NDUFS4: variants seen among roughly 807,000 people sequenced by gnomAD.
NDUFS4 encodes NADH dehydrogenase [ubiquinone] iron-sulfur protein 4, mitochondrial.
A neutral mutation model predicts 24.3 loss-of-function variants in NDUFS4; 28 were observed. The observed-to-expected ratio is 1.15, with a 90% confidence interval of 0.85 to 1.58. The LOEUF (loss-of-function observed/expected upper bound fraction) is 1.58. Among genes scored for constraint, NDUFS4 ranks in the 40% most tolerant of loss-of-function variants. The pLI is 0.00. For synonymous variants in NDUFS4, 93 were observed against 69.7 expected (o/e 1.34, Z -1.67); for missense variants, 223 against 207.9 (o/e 1.07, Z -0.45).
intron 2 of NDUFS4, among the ~76,000 whole-genome samples, chr5:53,635,429 A>G (rs1751523225): frequency 6.6e-6 from 1 of 152,040 alleles, no homozygotes; most frequent in Non-Finnish European, 1.5e-5. Flanking sequence ...CTGAGGTGGT[A>G]TGATCACCTG....
intron 1 of NDUFS4, among the ~76,000 whole-genome samples, chr5:53,562,287 T>C (rs1748874993): frequency 6.6e-6 from 1 of 152,194 alleles, no homozygotes; most frequent in Non-Finnish European, 1.5e-5. Flanking sequence ...GTGACCAAGA[T>C]TAGCCCTTCC....
chr5:53,561,992 T>G (rs536339581), intron 1 of NDUFS4, among the ~76,000 whole-genome samples: 1 of 151,696 alleles, frequency 6.6e-6, no homozygotes. Context: ...ATGGAAAGTA[T>G]TTTTCCTTTT....
At chr5:53,606,390 G>T (rs1750504131) in intron 2 of NDUFS4, among the ~76,000 whole-genome samples, 1 of 151,874 alleles carries the variant, frequency 6.6e-6, no homozygotes, top group South Asian at 2.1e-4. Context: ...ACAGGGTGGT[G>T]CCATACACTT....
At chr5:53,606,817 C>T (rs537662818) in intron 2 of NDUFS4, among the ~76,000 whole-genome samples, 30 of 152,300 alleles carry the variant, frequency 2.0e-4, no homozygotes, top group Non-Finnish European at 1.9e-4. Context: ...GAGAGTTGGG[C>T]AGGGACAAAT....
Position 53,566,073 on chromosome 5 carries a change from C to T in NDUFS4, c.98+5313C>T, listed in dbSNP as rs183709052. ...CTGTAATCCCAGCTACTCGGGAGGCCGAGGCAGGAGAATCGCTTGAACCTG... is the reference window on the plus strand; with the variant it reads ...CTGTAATCCCAGCTACTCGGGAGGCTGAGGCAGGAGAATCGCTTGAACCTG... On this transcript the variant is annotated intron_variant, in intron 1 of 4. Coordinates refer to ENST00000296684, the MANE Select transcript of NDUFS4 (RefSeq NM_002495.4). 2.0e-4 allele frequency among the ~76,000 whole-genome samples: 31 copies of T among 151,992 alleles called. No homozygotes were observed. In the East Asian group the frequency reaches 5.4e-3, roughly 27 times the overall value.
At chr5:53,639,272 ATAT>A (rs1163389424) in intron 2 of NDUFS4, among the ~76,000 whole-genome samples, 3 of 151,818 alleles carry the variant, frequency 2.0e-5, no homozygotes, top group Admixed American at 6.6e-5. Flanking sequence ...TCATGTAATA[ATAT>A]TCTGTAGATT....
intron 3 of NDUFS4, among the ~76,000 whole-genome samples, chr5:53,650,153 G>A (rs972719053): frequency 6.6e-6 from 1 of 152,072 alleles, no homozygotes; most frequent in African/African-American, 2.4e-5. Flanking sequence ...CAGACTCACC[G>A]TAGTAATACA....
intron 1 of NDUFS4, among the ~76,000 whole-genome samples, chr5:53,581,669 G>A (rs1391037476): frequency 6.6e-6 from 1 of 151,980 alleles, no homozygotes; most frequent in African/African-American, 2.4e-5. Flanking sequence ...CCTTCAGGTG[G>A]CAGTTTAACC....
chr5:53,675,461 CCA>C (rs1176077901), intron 4 of NDUFS4, among the ~76,000 whole-genome samples: 1 of 152,094 alleles, frequency 6.6e-6, no homozygotes, highest in African/African-American at 2.4e-5. Flanking sequence ...CACGCCAGGC[CCA>C]GAGTTCCCTA....
At chr5:53,610,615 C>G (rs1277136017) in intron 2 of NDUFS4, among the ~76,000 whole-genome samples, 1 of 152,100 alleles carries the variant, frequency 6.6e-6, no homozygotes, top group African/African-American at 2.4e-5. Context: ...TGAGGTATGC[C>G]TGTATCTTTT....
chr5:53,603,363 T>G (rs1750390138), intron 1 of NDUFS4, 89 bp from the exon 2 acceptor site: 3 of 814,876 alleles, frequency 3.7e-6, no homozygotes, highest in South Asian at 1.5e-5. Context: ...ATAAGACAGA[T>G]ATTGTTAAAG....
In NDUFS4 at chr5:53,603,477, T is replaced by C. The variant is rs370695630; in HGVS notation, c.124T>C (p.Leu42=). The C allele has an allele frequency of 1.3e-5, 21 of 1,613,988 alleles. No individual in the cohort carries two copies. Among genetic ancestry groups the C allele is most frequent in the Middle Eastern group, 1.6e-4 (1 of 6,062 alleles). ...GTCGTTGAGGACTTCCACATGGAGA[T>C]TGGCACAGGACCAGACTCAAGACAC... ...TRSLRTSTWR[L]AQDQTQDTQL... The change falls in exon 2 of 5, where the codon TTG becomes CTG. Residue 42 remains leucine (L), a synonymous_variant. Transcript: ENST00000296684.
chr5:53,657,166 A>T (rs939478660), intron 3 of NDUFS4, among the ~76,000 whole-genome samples: 1 of 152,230 alleles, frequency 6.6e-6, no homozygotes, highest in South Asian at 2.1e-4. Flanking sequence ...GTCAACACTT[A>T]TCAGATTACT....
chr5:53,597,965 A>G (rs1408576317), intron 1 of NDUFS4, among the ~76,000 whole-genome samples: 3 of 152,244 alleles, frequency 2.0e-5, no homozygotes, highest in Admixed American at 6.5e-5. Context: ...TAACTCACCA[A>G]AGAAGATATA....
At chr5:53,667,879 A>G (rs1308488448) in intron 4 of NDUFS4, among the ~76,000 whole-genome samples, 2 of 152,206 alleles carry the variant, frequency 1.3e-5, no homozygotes, top group Non-Finnish European at 2.9e-5. Context: ...GGTGATGTCC[A>G]AAAACTATAG....
chr5:53,580,767 TTCTTTCTCTCTC>T (rs1561340028), intron 1 of NDUFS4, among the ~76,000 whole-genome samples: 2 of 151,116 alleles, frequency 1.3e-5, no homozygotes, highest in African/African-American at 2.4e-5. Context: ...CTTTCTTTCT[TTCTTTCTCTCTC>T]TCTTTCTTTC....
At chr5:53,570,684 C>CTTTTTTTTTT (rs70983360) in intron 1 of NDUFS4, among the ~76,000 whole-genome samples, 1 of 119,864 alleles carries the variant, frequency 8.3e-6, no homozygotes, top group African/African-American at 3.2e-5. Context: ...ATTTTTTTTT[C>CTTTTTTTTTT]TTTTTTTTTT....
At chr5:53,650,820 C>G (rs1380447144) in intron 3 of NDUFS4, among the ~76,000 whole-genome samples, 1 of 152,176 alleles carries the variant, frequency 6.6e-6, no homozygotes, top group African/African-American at 2.4e-5. Flanking sequence ...CTTTGCTGTG[C>G]TTGCACAAAG....
intron 2 of NDUFS4, among the ~76,000 whole-genome samples, chr5:53,629,572 G>A (rs1166052692): frequency 1.3e-5 from 2 of 152,184 alleles, no homozygotes; most frequent in South Asian, 2.1e-4. Flanking sequence ...CCTGTATTGT[G>A]TGCATATACG....
Sources: allele counts gnomAD v4.1 joint callset (sites outside exome capture counted in the v4.1 genomes callset), GRCh38; gene constraint gnomAD v4.1.1; transcripts MANE v1.5; gene names NCBI Gene and HGNC (gene_info 2026-07-23, HGNC 2026-07-21).